The following KATNBL1 variants were observed in gnomAD, a reference collection of about 807,000 sequenced individuals.
KATNBL1 encodes the protein KATNB1-like protein 1.
In KATNBL1, 28 loss-of-function variants were observed where a neutral mutation model predicts 44.7. The observed-to-expected ratio is 0.63, with a 90% CI of 0.46 to 0.86. The LOEUF (loss-of-function observed/expected upper bound fraction) is 0.86. KATNBL1 is among the 40% of genes least tolerant of loss of function. KATNBL1 has a pLI of 0.00. For missense variants in KATNBL1, 272 were observed against 350.7 expected (o/e 0.78, Z 1.79); for synonymous variants, 78 against 114.9 (o/e 0.68, Z 2.06).
intron 1 of KATNBL1, among the ~76,000 whole-genome samples, chr15:34,181,799 T>C (rs1452206829): frequency 1.2e-5 from 1 of 80,068 alleles, no homozygotes; most frequent in African/African-American, 6.9e-5. Flanking sequence ...TATATATCCA[T>C]ATATATACAT....
At chr15:34,159,147 T>TTTTA (rs34148174) in intron 2 of KATNBL1, among the ~76,000 whole-genome samples, 1 of 152,084 alleles carries the variant, frequency 6.6e-6, no homozygotes, top group Non-Finnish European at 1.5e-5. Context: ...TAAAAGTTAA[T>TTTTA]TTTTTCTTTT....
chr15:34,205,154 C>G (rs1010251884), intron 1 of KATNBL1, among the ~76,000 whole-genome samples: 3 of 152,072 alleles, frequency 2.0e-5, no homozygotes, highest in African/African-American at 7.2e-5. Context: ...CCACCACACC[C>G]AACTAATTTT....
At chr15:34,198,140 T>C (rs1045559945) in intron 1 of KATNBL1, 5 of 152,194 alleles carry the variant, frequency 3.3e-5, no homozygotes, top group African/African-American at 4.8e-5. Context: ...AACATACAAA[T>C]TCTTATGTAA....
intron 9 of KATNBL1, chr15:34,142,788 T>G (rs1436385583): frequency 3.4e-6 from 1 of 293,656 alleles, no homozygotes; most frequent in African/African-American, 2.3e-5. Flanking sequence ...CTTGGCTCTC[T>G]GCAACCTCCA....
intron 1 of KATNBL1, among the ~76,000 whole-genome samples, chr15:34,197,746 A>G (rs1005166518): frequency 1.3e-5 from 2 of 152,114 alleles, no homozygotes; most frequent in Non-Finnish European, 2.9e-5. Flanking sequence ...TAAAAGAATG[A>G]GGTTTATTTT....
At chr15:34,186,223 T>C (rs958974702) in intron 1 of KATNBL1, among the ~76,000 whole-genome samples, 1 of 152,138 alleles carries the variant, frequency 6.6e-6, no homozygotes, top group Non-Finnish European at 1.5e-5. Context: ...GCTGCCACCA[T>C]CATGCCAGTT....
chr15:34,181,086 T>C (rs912573335), intron 1 of KATNBL1, among the ~76,000 whole-genome samples: 10 of 152,184 alleles, frequency 6.6e-5, no homozygotes, highest in Non-Finnish European at 1.5e-4. Flanking sequence ...CCTATACAAG[T>C]GTTACCTATA....
chr15:34,167,146 CT>C (rs1889002750), intron 1 of KATNBL1, among the ~76,000 whole-genome samples: 1 of 152,156 alleles, frequency 6.6e-6, no homozygotes, highest in Non-Finnish European at 1.5e-5. Flanking sequence ...TAACAAACTT[CT>C]CCAAGCTAAA....
chr15:34,183,522 T>G (rs1367038431), intron 1 of KATNBL1, among the ~76,000 whole-genome samples: 1 of 152,170 alleles, frequency 6.6e-6, no homozygotes, highest in Non-Finnish European at 1.5e-5. Context: ...CTCTATAACC[T>G]TGGAAACAGC....
intron 1 of KATNBL1, among the ~76,000 whole-genome samples, chr15:34,171,390 C>T (rs1318580274): frequency 3.9e-5 from 6 of 152,132 alleles, no homozygotes; most frequent in Admixed American, 2.6e-4. Flanking sequence ...AATGAGATAC[C>T]GTCTCATGCC....
intron 7 of KATNBL1, 32 bp from the exon 8 acceptor site, chr15:34,146,882 G>T: frequency 7.5e-7 from 1 of 1,341,008 alleles, no homozygotes; most frequent in Non-Finnish European, 1.1e-6. Flanking sequence ...AAATTCAAGT[G>T]TTTTCATCTA....
intron 1 of KATNBL1, among the ~76,000 whole-genome samples, chr15:34,201,282 G>A (rs10851952): frequency 0.54 from 82,071 of 152,088 alleles, 23,717 homozygotes; most frequent in East Asian, 0.71. Context: ...GGAAAGTAGG[G>A]AGAAAAAAGT....
chr15:34,206,939 TTAAC>T lies in KATNBL1; in HGVS notation c.-15+3008_-15+3011del, dbSNP rs201715822. 7.4e-3 allele frequency among the ~76,000 whole-genome samples: 1,128 copies of T among 152,272 alleles called. 14 individuals are homozygous for T. Among genetic ancestry groups the T allele is most frequent in the African/African-American group, 0.025 (1,059 of 41,548 alleles). On this transcript the variant is annotated intron_variant, in intron 1 of 9. Transcript: ENST00000256544. ...AATACATTTTCCAGAAAGCACCAAA[TTAAC>T]TAACATGGATCAACAAATATAATGA...
chr15:34,149,984 T>C (rs1320554134), intron 4 of KATNBL1, among the ~76,000 whole-genome samples: 4 of 152,262 alleles, frequency 2.6e-5, no homozygotes, highest in Non-Finnish European at 5.9e-5. Flanking sequence ...CATCCTGATA[T>C]ATGTAAATAT....
At chr15:34,165,808 T>C (rs1888952662) in intron 1 of KATNBL1, 1 of 151,444 alleles carries the variant, frequency 6.6e-6, no homozygotes, top group African/African-American at 2.4e-5. Context: ...AAATAATAAT[T>C]AGTAATAAAT....
chr15:34,172,256 C>CTT lies in KATNBL1; in HGVS notation c.-14-8568_-14-8567dup, dbSNP rs59733560. Among the ~76,000 whole-genome samples the CTT allele has an allele frequency of 8.6e-3, 829 of 96,584 alleles. 57 individuals are homozygous for CTT. Among genetic ancestry groups the CTT allele is most frequent in the African/African-American group, 0.027 (695 of 25,944 alleles). 63.4% of individuals were successfully genotyped at this position (96,584 alleles called of 152,430 possible). On this transcript the variant is annotated intron_variant, in intron 1 of 9. Transcript: ENST00000256544. Reference sequence around the variant, plus strand: ...ACAGAGTCCTTGGGAGGAACATATTCTTTTTTTTTTTTTTTTTTGAGATGG... The same window carrying CTT: ...ACAGAGTCCTTGGGAGGAACATATTCTTTTTTTTTTTTTTTTTTTTGAGATGG...
chr15:34,181,591 TAC>T (rs1491301233), intron 1 of KATNBL1, among the ~76,000 whole-genome samples: 3 of 53,898 alleles, frequency 5.6e-5, no homozygotes, highest in South Asian at 6.1e-4. Context: ...TACATATATA[TAC>T]ACATATATAT....
chr15:34,179,758 T>C (rs1889463351), intron 1 of KATNBL1, among the ~76,000 whole-genome samples: 2 of 152,386 alleles, frequency 1.3e-5, no homozygotes, highest in Admixed American at 6.5e-5. Context: ...ACAGAAATTA[T>C]TTATTGTTGG....
chr15:34,142,972 A>G, intron 9 of KATNBL1: 1 of 827,028 alleles, frequency 1.2e-6, no homozygotes, highest in Non-Finnish European at 1.7e-6. Flanking sequence ...GGCCTCCCAA[A>G]GTACTGGGAT....
Sources: gnomAD v4.1 joint callset for allele counts (sites outside exome capture counted in the v4.1 genomes callset) on GRCh38, gnomAD v4.1.1 for gene constraint, MANE v1.5 for transcripts, NCBI Gene and HGNC (gene_info 2026-07-23, HGNC 2026-07-21) for gene names.